FYTTD1: variants seen among roughly 807,000 people sequenced by gnomAD.
FYTTD1 encodes the protein forty-two-three domain containing 1, also known as UAP56-interacting factor.
Under a neutral mutation model 40.9 loss-of-function variants are expected in FYTTD1, and 22 were observed. The ratio of observed to expected loss-of-function variants is 0.54; its 90% CI spans 0.38 to 0.77. The LOEUF (loss-of-function observed/expected upper bound fraction) is 0.77. FYTTD1 is among the 30% of genes least tolerant of loss of function. FYTTD1 has a pLI of 0.00. For synonymous variants in FYTTD1, 140 were observed against 137.9 expected, an observed-to-expected ratio of 1.01 and a Z score of -0.10; for missense variants, 351 against 392.2, an observed-to-expected ratio of 0.90 and a Z score of 0.89.
chr3:197,786,929 G>C lies in FYTTD1; in HGVS notation c.*5020G>C, dbSNP rs1444199766. The stretch of plus-strand genomic sequence containing the variant: ...TTCTTGTCCCTCAGCCTCGTAAGTA[G>C]GTGGGATTACAAGCTTGAGCCACCA... On this transcript the variant is annotated 3_prime_UTR_variant, in exon 9 of 9. Coordinates refer to ENST00000241502, the MANE Select transcript of FYTTD1 (RefSeq NM_032288.7). The C allele has an allele frequency of 6.6e-6, 1 of 151,812 alleles. No homozygotes were observed. The highest frequency in any genetic ancestry group is 1.5e-5 in the Non-Finnish European group (1 of 67,972). The allele number at this position is 151,812 out of a possible 1,614,324, so 9.4% of individuals were successfully genotyped here.
rs141687221 is a variant in FYTTD1 at position 197,770,450 on chromosome 3, T to C, written c.497+206T>C. 7.2e-5 allele frequency among the ~76,000 whole-genome samples: 11 copies of C among 152,354 alleles called. No individual in the cohort carries two copies. In the East Asian group the frequency reaches 2.1e-3, roughly 29 times the overall value. The stretch of plus-strand genomic sequence containing the variant: ...AATTCTTACTGATGAAGTTAACCGA[T>C]ATAAGCTTTTTAAAAAGCATCACTC... On this transcript the variant is annotated intron_variant, in intron 4 of 8. Transcript: ENST00000241502.
chr3:197,774,841 C>T (rs1158140468), intron 6 of FYTTD1, among the ~76,000 whole-genome samples: 2 of 151,334 alleles, frequency 1.3e-5, no homozygotes, highest in African/African-American at 4.9e-5. Context: ...CAGCATAGCT[C>T]GATGGCCAGT....
Position 197,781,792 on chromosome 3 carries a change from G to T in FYTTD1, c.859-19G>T, listed in dbSNP as rs751077784. The T allele has an allele frequency of 1.9e-6, 3 of 1,565,232 alleles. No homozygotes were observed. The highest frequency in any genetic ancestry group is 2.6e-6 in the Non-Finnish European group (3 of 1,147,148). The stretch of plus-strand genomic sequence containing the variant: ...TAATTGTTGCTTTGTTGTTGTTTTT[G>T]TTTTTTTCTTTTCTCTAGACAGGGA... On this transcript the variant is annotated intron_variant, in intron 8 of 8. Coordinates refer to ENST00000241502, the MANE Select transcript of FYTTD1 (RefSeq NM_032288.7).
At chr3:197,755,111 G>C (rs149449623) in intron 1 of FYTTD1, among the ~76,000 whole-genome samples, 1 of 152,250 alleles carries the variant, frequency 6.6e-6, no homozygotes, top group African/African-American at 2.4e-5. Context: ...AGTATGTTTG[G>C]AAGTAATGAG....
intron 4 of FYTTD1, among the ~76,000 whole-genome samples, 156 bp downstream of exon 4, chr3:197,770,400 C>G (rs1729683526): frequency 1.3e-5 from 2 of 152,170 alleles, no homozygotes; most frequent in Non-Finnish European, 1.5e-5. Flanking sequence ...ATGGATGTAT[C>G]CAGTAATAGC....
At chr3:197,772,678 G>A (rs998477243) in intron 4 of FYTTD1, among the ~76,000 whole-genome samples, 11 of 152,138 alleles carry the variant, frequency 7.2e-5, no homozygotes, top group Admixed American at 2.0e-4. Context: ...GCGTGATCTC[G>A]GCCCACAGCA....
At position 197,763,508 on chromosome 3, in the gene FYTTD1, G is replaced by A. The variant is rs542940449; in HGVS notation, c.236-4931G>A. 13 of 453,508 alleles carry A rather than the reference G, an allele frequency of 2.9e-5. No homozygotes were observed. The East Asian group carries it at 6.4e-4, about 22-fold the overall frequency. The allele number at this position is 453,508 out of a possible 1,614,324, so 28.1% of individuals were successfully genotyped here. A position where few individuals can be genotyped will look rare whatever the true frequency, so the allele number is the denominator to read the frequency against. The stretch of plus-strand genomic sequence containing the variant: ...TCCTCAATTGTTAAGCATATGAAGA[G>A]GTTCGTGCTTGTAATCCCAGCACTT... On this transcript the variant is annotated intron_variant, in intron 2 of 8. Coordinates refer to ENST00000241502, the MANE Select transcript of FYTTD1 (RefSeq NM_032288.7).
At chr3:197,777,447 C>G (rs577385173) in intron 7 of FYTTD1, among the ~76,000 whole-genome samples, 122 of 152,094 alleles carry the variant, frequency 8.0e-4, no homozygotes, top group African/African-American at 2.8e-3. Flanking sequence ...TGTTTGTGCC[C>G]AGACTGGTCT....
chr3:197,756,098 G>A (rs769852834), intron 1 of FYTTD1, among the ~76,000 whole-genome samples: 7 of 152,048 alleles, frequency 4.6e-5, no homozygotes, highest in African/African-American at 1.7e-4. Flanking sequence ...CGGGAAGTAG[G>A]TAGGAAATTA....
intron 4 of FYTTD1, among the ~76,000 whole-genome samples, chr3:197,772,626 T>C (rs560290298): frequency 6.6e-6 from 1 of 152,332 alleles, no homozygotes; most frequent in African/African-American, 2.4e-5. Flanking sequence ...GGTTTGTATA[T>C]TTTTTGAGAT....
rs150251645 is a variant in FYTTD1, at chr3:197,768,674, A to G, written c.384+87A>G. On this transcript the variant is annotated intron_variant, in intron 3 of 8. Coordinates refer to ENST00000241502, the MANE Select transcript of FYTTD1 (RefSeq NM_032288.7). The stretch of plus-strand genomic sequence containing the variant: ...GTGAATAAGCTTAAGAGAGAATTTT[A>G]TTTGTTTTTATGTAGTACTTTGGGA... 5,596 of 1,135,872 alleles carry G rather than the reference A, an allele frequency of 4.9e-3. 22 individuals carry two copies. Among genetic ancestry groups the G allele is most frequent in the Non-Finnish European group, 5.3e-3 (4,478 of 837,134 alleles). The allele number at this position is 1,135,872 out of a possible 1,614,324, so 70.4% of individuals were successfully genotyped here.
intron 2 of FYTTD1, among the ~76,000 whole-genome samples, chr3:197,762,582 C>T (rs183906038): frequency 7.5e-6 from 1 of 133,478 alleles, no homozygotes; most frequent in Non-Finnish European, 1.6e-5. Flanking sequence ...GAGCGAGACT[C>T]TGTCTCAAAC....
chr3:197,778,438 T>C lies in FYTTD1; in HGVS notation c.832T>C (p.Phe278Leu). The C allele has an allele frequency of 6.2e-7, 1 of 1,609,872 alleles. No homozygotes were observed. Among genetic ancestry groups the C allele is most frequent in the Non-Finnish European group, 8.5e-7 (1 of 1,177,272 alleles). Residue 278 changes from phenylalanine (F) to leucine (L), a missense_variant, in exon 8 of 9, where the codon TTT becomes CTT. By Grantham distance (22) the Phe-to-Leu change is conservative. Coordinates refer to ENST00000241502, the MANE Select transcript of FYTTD1 (RefSeq NM_032288.7). ...KKVPKGVPLQ[F>L]DINSVGKQTG... Reference sequence around the variant, plus strand: ...AGTTCCTAAAGGTGTTCCCCTGCAGTTTGACATAAACAGTGTCGGAAAACA... The same window carrying C: ...AGTTCCTAAAGGTGTTCCCCTGCAGCTTGACATAAACAGTGTCGGAAAACA...
chr3:197,769,317 A>G (rs1230788142), intron 3 of FYTTD1, among the ~76,000 whole-genome samples: 1 of 151,940 alleles, frequency 6.6e-6, no homozygotes, highest in Non-Finnish European at 1.5e-5. Context: ...CGAACTCCTG[A>G]CCTCATGATC....
chr3:197,761,692 G>T (rs994752641), intron 2 of FYTTD1, among the ~76,000 whole-genome samples: 1 of 152,204 alleles, frequency 6.6e-6, no homozygotes, highest in African/African-American at 2.4e-5. Flanking sequence ...AGACATGGGG[G>T]ATCCACAAGA....
Position 197,785,404 on chromosome 3 carries a change from TA to T in FYTTD1, c.*3497del. 1 of 152,364 alleles carries T rather than the reference TA, an allele frequency of 6.6e-6. No individual in the cohort carries two copies. Among genetic ancestry groups the T allele is most frequent in the African/African-American group, 2.4e-5 (1 of 41,586 alleles). 9.4% of individuals were successfully genotyped at this position (152,364 alleles called of 1,614,324 possible). A position where few individuals can be genotyped will look rare whatever the true frequency, so the allele number is the denominator to read the frequency against. ...CAATTTGCTTATAAGTAGACCCAGG[TA>T]ATTCAAAGCCATGTTGTTGAAGGGC... is the stretch of plus-strand genomic sequence containing the variant. On this transcript the variant is annotated 3_prime_UTR_variant, in exon 9 of 9. Coordinates refer to ENST00000241502, the MANE Select transcript of FYTTD1 (RefSeq NM_032288.7).
In FYTTD1 at chr3:197,783,411, T is replaced by G. The variant is rs1408798602; in HGVS notation, c.*1502T>G. The G allele has an allele frequency of 2.6e-5, 4 of 152,668 alleles. No individual in the cohort carries two copies. Among genetic ancestry groups the G allele is most frequent in the African/African-American group, 7.2e-5 (3 of 41,458 alleles). The allele number at this position is 152,668 out of a possible 1,614,324, so 9.5% of individuals were successfully genotyped here. A position where few individuals can be genotyped will look rare whatever the true frequency, so the allele number is the denominator to read the frequency against. ...AGATTTCATTGTTGTCTCTCATGCT[T>G]CTTGAGTTGCTTCATGGTTTATGCT... is the stretch of plus-strand genomic sequence containing the variant. On this transcript the variant is annotated 3_prime_UTR_variant, in exon 9 of 9. Transcript: ENST00000241502.
intron 2 of FYTTD1, among the ~76,000 whole-genome samples, chr3:197,765,810 C>T (rs1483822722): frequency 6.6e-6 from 1 of 151,936 alleles, no homozygotes; most frequent in Non-Finnish European, 1.5e-5. Flanking sequence ...TCCTGGCTAA[C>T]ACAGCGAAAC....
intron 2 of FYTTD1, among the ~76,000 whole-genome samples, chr3:197,763,136 G>A (rs1437724935): frequency 2.0e-5 from 3 of 151,970 alleles, no homozygotes; most frequent in Admixed American, 6.6e-5. Flanking sequence ...TATTTTGGCC[G>A]GGCGTGGTGG....
Sources: gnomAD v4.1 joint callset for allele counts (sites outside exome capture counted in the v4.1 genomes callset) on GRCh38, gnomAD v4.1.1 for gene constraint, MANE v1.5 for transcripts, NCBI Gene and HGNC (gene_info 2026-07-23, HGNC 2026-07-21) for gene names.